The following FGF14 variants were observed in gnomAD, a reference collection of about 807,000 sequenced individuals.
FGF14 encodes the protein fibroblast growth factor homologous factor 4.
In FGF14, 5 loss-of-function variants were observed where a neutral mutation model predicts 25.5. The ratio of observed to expected loss-of-function variants is 0.20; its 90% confidence interval spans 0.10 to 0.41. The LOEUF is 0.41. Among genes scored for constraint, FGF14 ranks in the 10% least tolerant of loss-of-function variants. The pLI, the probability that FGF14 is intolerant of heterozygous loss-of-function variation, is 1.00. For missense variants in FGF14, 222 were observed against 320.1 expected (o/e 0.69, Z 2.34); for synonymous variants, 138 against 118.3 (o/e 1.17, Z -1.08).
intron 1 of FGF14, among the ~76,000 whole-genome samples, chr13:102,300,424 T>A (rs1232616884): frequency 6.6e-6 from 1 of 152,162 alleles, no homozygotes; most frequent in Non-Finnish European, 1.5e-5. Flanking sequence ...CCTCAGCAAA[T>A]TATTCAACAG....
intron 1 of FGF14, chr13:102,394,671 G>C (rs1344507919): frequency 1.3e-5 from 2 of 152,302 alleles, no homozygotes; most frequent in African/African-American, 4.8e-5. Flanking sequence ...GGAGCGCGGT[G>C]ATGGCCGGTC....
intron 1 of FGF14, among the ~76,000 whole-genome samples, chr13:101,904,771 T>G (rs2139016805): frequency 6.6e-6 from 1 of 152,292 alleles, no homozygotes; most frequent in Middle Eastern, 3.4e-3. Flanking sequence ...TGATAACATT[T>G]ATGGGAGTGT....
chr13:101,972,736 C>T lies in FGF14; in HGVS notation c.209-97440G>A, dbSNP rs1051648665. 1.3e-3 allele frequency among the ~76,000 whole-genome samples: 197 copies of T among 152,254 alleles called. 1 individual carries two copies. The highest frequency in any genetic ancestry group is 2.1e-3 in the Non-Finnish European group (146 of 68,018). On this transcript the variant is annotated intron_variant, in intron 1 of 4. Coordinates refer to the FGF14 transcript ENST00000376131. ...ATTGCCCAGGCAGGTCTCGAACTCC[C>T]CAGCTCAAGCTATCCTCCCGCCTCT...
chr13:102,210,977 C>T (rs4772452), intron 1 of FGF14, among the ~76,000 whole-genome samples: 2 of 152,080 alleles, frequency 1.3e-5, no homozygotes, highest in Non-Finnish European at 2.9e-5. Context: ...CCTCTTGGGA[C>T]GAAAGACCCC....
intron 1 of FGF14, among the ~76,000 whole-genome samples, chr13:102,298,886 G>A (rs1050053346): frequency 6.6e-6 from 1 of 152,142 alleles, no homozygotes; most frequent in Admixed American, 6.5e-5. Context: ...GAACTCTTAA[G>A]TAGGAGCGAA....
At position 101,886,916 on chromosome 13, in the gene FGF14, A is replaced by G. The variant is rs1486261622; in HGVS notation, c.194-11620T>C. On this transcript the variant is annotated intron_variant, in intron 1 of 4. Coordinates refer to ENST00000376143, the MANE Select transcript of FGF14 (RefSeq NM_004115.4). The stretch of plus-strand genomic sequence containing the variant: ...TAGACATTCTTGAAAGAAGACATAC[A>G]AATAGCCAACAGTTATATTTTTAAA... Among the ~76,000 whole-genome samples, 10 of 152,176 alleles carry G rather than the reference A, an allele frequency of 6.6e-5. 1 individual carries two copies. Among genetic ancestry groups the G allele is most frequent in the Non-Finnish European group, 1.3e-4 (9 of 68,022 alleles).
At chr13:102,181,075 C>T (rs933740948) in intron 1 of FGF14, among the ~76,000 whole-genome samples, 2 of 152,098 alleles carry the variant, frequency 1.3e-5, no homozygotes, top group Non-Finnish European at 1.5e-5. Flanking sequence ...TAGCTCTCTA[C>T]CTGTTGTTCT....
intron 1 of FGF14, chr13:102,368,127 A>C (rs1001762444): frequency 2.6e-5 from 4 of 152,228 alleles, no homozygotes; most frequent in African/African-American, 4.8e-5. Context: ...TGTGTGAGCG[A>C]AAAATAAACC....
At chr13:101,743,310 A>G (rs1415220833) in intron 3 of FGF14, among the ~76,000 whole-genome samples, 1 of 152,238 alleles carries the variant, frequency 6.6e-6, no homozygotes, top group Non-Finnish European at 1.5e-5. Context: ...GGCAGAATTC[A>G]TATAACTGTG....
At chr13:102,141,703 T>C (rs556075204) in intron 1 of FGF14, among the ~76,000 whole-genome samples, 2 of 152,262 alleles carry the variant, frequency 1.3e-5, no homozygotes, top group South Asian at 4.2e-4. Flanking sequence ...TCTTTAAGTA[T>C]AGGTATGAGT....
At chr13:101,778,691 T>A (rs913165643) in intron 3 of FGF14, among the ~76,000 whole-genome samples, 10 of 152,174 alleles carry the variant, frequency 6.6e-5, no homozygotes, top group African/African-American at 2.4e-4. Context: ...TCCCCGTTTC[T>A]AAAAAGTGTT....
chr13:101,943,849 A>ACATATATATAT (rs2035624793), intron 1 of FGF14, among the ~76,000 whole-genome samples: 1 of 148,534 alleles, frequency 6.7e-6, no homozygotes, highest in African/African-American at 2.5e-5. Flanking sequence ...ATATATTCAC[A>ACATATATATAT]AAATTAGCCA....
At chr13:101,768,901 G>A (rs751176495) in intron 3 of FGF14, among the ~76,000 whole-genome samples, 2 of 152,178 alleles carry the variant, frequency 1.3e-5, no homozygotes, top group Non-Finnish European at 2.9e-5. Flanking sequence ...GATGAACTTA[G>A]GTTGTGCTAT....
chr13:102,292,653 C>A (rs1411147227), intron 1 of FGF14: 1 of 152,210 alleles, frequency 6.6e-6, no homozygotes, highest in Non-Finnish European at 1.5e-5. Flanking sequence ...AAAGAAACCA[C>A]CTCACCTACA....
At chr13:101,932,060 C>T (rs1301874728) in intron 1 of FGF14, among the ~76,000 whole-genome samples, 3 of 152,098 alleles carry the variant, frequency 2.0e-5, no homozygotes, top group Non-Finnish European at 4.4e-5. Context: ...AAAATTAAGG[C>T]AATATCTTTT....
At chr13:102,057,668 T>A (rs1217975341) in intron 1 of FGF14, among the ~76,000 whole-genome samples, 1 of 152,204 alleles carries the variant, frequency 6.6e-6, no homozygotes, top group Non-Finnish European at 1.5e-5. Flanking sequence ...TGCATTGTAA[T>A]CATCTGTGGC....
chr13:102,062,221 G>A (rs190394321), intron 1 of FGF14, among the ~76,000 whole-genome samples: 5 of 151,976 alleles, frequency 3.3e-5, no homozygotes, highest in African/African-American at 1.2e-4. Context: ...TTTAAACATG[G>A]CTACCAACCG....
intron 1 of FGF14, among the ~76,000 whole-genome samples, chr13:101,955,848 G>C (rs2036480051): frequency 6.6e-6 from 1 of 152,196 alleles, no homozygotes; most frequent in African/African-American, 2.4e-5. Flanking sequence ...TACCATCCAA[G>C]TTACCTTTTC....
chr13:101,994,457 T>C (rs2039075018), intron 1 of FGF14, among the ~76,000 whole-genome samples: 1 of 152,074 alleles, frequency 6.6e-6, no homozygotes, highest in Non-Finnish European at 1.5e-5. Flanking sequence ...ATCTTGATAA[T>C]ACCTGTTCTT....
Sources: gnomAD v4.1 joint callset for allele counts (sites outside exome capture counted in the v4.1 genomes callset) on GRCh38, gnomAD v4.1.1 for gene constraint, MANE v1.5 for transcripts, NCBI Gene and HGNC (gene_info 2026-07-23, HGNC 2026-07-21) for gene names.